The following PDE4D variants were observed in gnomAD, a reference collection of about 807,000 sequenced individuals.
The protein encoded by PDE4D is phosphodiesterase 4D, also known as 3',5'-cyclic-AMP phosphodiesterase 4D.
PDE4D carries 24 observed loss-of-function variants against 87.4 expected under a neutral mutation model. That is an observed-to-expected ratio of 0.27 (90% confidence interval 0.20 to 0.39). PDE4D has a LOEUF of 0.39. Among genes scored for constraint, PDE4D ranks in the 10% least tolerant of loss-of-function variants. The pLI, the probability that PDE4D is intolerant of heterozygous loss-of-function variation, is 1.00. For synonymous variants in PDE4D, 384 were observed against 383.2 expected (o/e 1.00, Z -0.02); for missense variants, 714 against 1,041.0 (o/e 0.69, Z 4.32).
intron 2 of PDE4D, among the ~76,000 whole-genome samples, chr5:59,195,699 C>T (rs2409630): frequency 0.67 from 102,370 of 152,088 alleles, 36,063 homozygotes; most frequent in Non-Finnish European, 0.8. Flanking sequence ...ATGGAGATAA[C>T]AGCACATACA....
At chr5:59,329,904 AG>A (rs1184109049) in intron 1 of PDE4D, among the ~76,000 whole-genome samples, 2 of 152,226 alleles carry the variant, frequency 1.3e-5, no homozygotes, top group Non-Finnish European at 2.9e-5. Context: ...GCAACATAAA[AG>A]TGTTTTCTTT....
At chr5:59,812,586 T>C (rs1006638879) in intron 1 of PDE4D, among the ~76,000 whole-genome samples, 4 of 151,746 alleles carry the variant, frequency 2.6e-5, no homozygotes, top group African/African-American at 7.3e-5. Context: ...GGCAGGAGAA[T>C]GGCTTGAACC....
At chr5:60,496,709 G>C (rs1162322832) in intron 1 of PDE4D, among the ~76,000 whole-genome samples, 1 of 152,192 alleles carries the variant, frequency 6.6e-6, no homozygotes, top group African/African-American at 2.4e-5. Flanking sequence ...TTTTCACCAA[G>C]AGTGAGAAAG....
At chr5:60,315,366 A>G (rs951009861) in intron 1 of PDE4D, among the ~76,000 whole-genome samples, 10 of 151,984 alleles carry the variant, frequency 6.6e-5, no homozygotes, top group African/African-American at 1.9e-4. Flanking sequence ...GTTTGAGTTC[A>G]TTGTAGATTC....
At chr5:59,570,895 T>A (rs949422243) in intron 1 of PDE4D, among the ~76,000 whole-genome samples, 2 of 152,200 alleles carry the variant, frequency 1.3e-5, no homozygotes, top group Admixed American at 1.3e-4. Flanking sequence ...TTAGTCAGGA[T>A]TACATTTGAA....
intron 5 of PDE4D, among the ~76,000 whole-genome samples, chr5:59,054,567 C>A (rs1199733169): frequency 6.6e-6 from 1 of 151,646 alleles, no homozygotes; most frequent in Non-Finnish European, 1.5e-5. Context: ...ACAAACCATG[C>A]ATTTCAGTAT....
chr5:60,003,992 T>C (rs1156267895), intron 2 of PDE4D, among the ~76,000 whole-genome samples: 1 of 152,142 alleles, frequency 6.6e-6, no homozygotes, highest in African/African-American at 2.4e-5. Context: ...AAGAATGAAA[T>C]TGTATCCATA....
intron 2 of PDE4D, among the ~76,000 whole-genome samples, chr5:59,993,646 T>C (rs368026436): frequency 6.6e-6 from 1 of 152,266 alleles, no homozygotes; most frequent in Non-Finnish European, 1.5e-5. Flanking sequence ...ATATTGGTAA[T>C]AATTTTGTTT....
chr5:59,723,303 G>A (rs868744706), intron 1 of PDE4D, among the ~76,000 whole-genome samples: 8 of 151,974 alleles, frequency 5.3e-5, no homozygotes, highest in African/African-American at 1.9e-4. Flanking sequence ...GTGAATATAG[G>A]CAAATTACCT....
chr5:60,501,876 G>A (rs1246689498), intron 1 of PDE4D, among the ~76,000 whole-genome samples: 6 of 152,050 alleles, frequency 3.9e-5, no homozygotes, highest in East Asian at 1.9e-4. Flanking sequence ...AAATTTGTTC[G>A]AGTTCATTGT....
At chr5:59,016,903 A>C (rs1227419204) in intron 6 of PDE4D, among the ~76,000 whole-genome samples, 1 of 152,196 alleles carries the variant, frequency 6.6e-6, no homozygotes, top group Non-Finnish European at 1.5e-5. Context: ...ATAAACAAGC[A>C]GACAAAAAAA....
At chr5:60,318,913 T>G (rs550416466) in intron 1 of PDE4D, among the ~76,000 whole-genome samples, 204 of 152,186 alleles carry the variant, frequency 1.3e-3, no homozygotes, top group Non-Finnish European at 2.5e-3. Flanking sequence ...TGGCTGCCCT[T>G]AACATTTTTT....
intron 5 of PDE4D, among the ~76,000 whole-genome samples, chr5:59,139,111 C>G (rs532446605): frequency 2.0e-5 from 3 of 152,182 alleles, no homozygotes; most frequent in Non-Finnish European, 2.9e-5. Context: ...AGGCTAGAAT[C>G]AATGAGTGCT....
intron 3 of PDE4D, among the ~76,000 whole-genome samples, chr5:59,957,730 CTCTA>C (rs2152808274): frequency 1.3e-5 from 2 of 151,826 alleles, no homozygotes; most frequent in South Asian, 4.2e-4. Context: ...AACGTATTTT[CTCTA>C]TCTTTTTTTC....
rs182226688 is a variant in PDE4D, at chr5:59,584,203, A to T, written c.455+308965T>A. 8.3e-4 allele frequency among the ~76,000 whole-genome samples: 126 copies of T among 152,264 alleles called. 1 individual carries two copies. In the Middle Eastern group the frequency reaches 0.01, roughly 12 times the overall value. ...TGTCAACAAACCCCTACAATCTCTT[A>T]CTGCAGTACTGGAAGGGGAGGCTAT... On this transcript the variant is annotated intron_variant, in intron 1 of 14. Coordinates refer to ENST00000340635, the MANE Select transcript of PDE4D (RefSeq NM_001104631.2).
chr5:59,704,512 T>C (rs1000898265), intron 1 of PDE4D, among the ~76,000 whole-genome samples: 33 of 152,264 alleles, frequency 2.2e-4, no homozygotes, highest in African/African-American at 7.5e-4. Context: ...TTCTCCAGCA[T>C]TGACTGAGAA....
chr5:60,095,044 C>T (rs114078436), intron 2 of PDE4D, among the ~76,000 whole-genome samples: 2,005 of 152,094 alleles, frequency 0.013, 40 homozygotes, highest in African/African-American at 0.046. Context: ...TTTCTTTTTA[C>T]TTATTTATTT....
chr5:59,944,123 AG>A (rs1757475178), intron 3 of PDE4D, among the ~76,000 whole-genome samples: 2 of 152,364 alleles, frequency 1.3e-5, no homozygotes, highest in South Asian at 4.1e-4. Flanking sequence ...GAGGAGACTA[AG>A]GAAGTGTTAA....
chr5:59,315,328 G>A (rs1040391362), intron 1 of PDE4D, among the ~76,000 whole-genome samples: 6 of 152,062 alleles, frequency 3.9e-5, no homozygotes, highest in African/African-American at 9.7e-5. Context: ...TCTACCTACC[G>A]ATGGGACCAT....
Sources: gnomAD v4.1 joint callset for allele counts (sites outside exome capture counted in the v4.1 genomes callset) on GRCh38, gnomAD v4.1.1 for gene constraint, MANE v1.5 for transcripts, NCBI Gene and HGNC (gene_info 2026-07-23, HGNC 2026-07-21) for gene names.